RFX4: variants seen among roughly 807,000 people sequenced by gnomAD.
The protein encoded by RFX4 is transcription factor RFX4.
A neutral mutation model predicts 95.0 loss-of-function variants in RFX4; 10 were observed. That is an observed-to-expected ratio of 0.11 (90% CI 0.06 to 0.18). RFX4 has a LOEUF of 0.18. Ranked by LOEUF, RFX4 falls within the 10% of genes least tolerant of loss-of-function variation. RFX4 has a pLI of 1.00. For synonymous variants in RFX4, 321 were observed against 340.7 expected, an observed-to-expected ratio of 0.94 and a Z score of 0.64; for missense variants, 640 against 922.0, an observed-to-expected ratio of 0.69 and a Z score of 3.96.
chr12:106,628,379 AG>A (rs1230769342), intron 2 of RFX4, among the ~76,000 whole-genome samples: 1 of 152,206 alleles, frequency 6.6e-6, no homozygotes, highest in Non-Finnish European at 1.5e-5. Flanking sequence ...GGTACATAGT[AG>A]GTGCTCAGTA....
intron 1 of RFX4, among the ~76,000 whole-genome samples, chr12:106,589,527 CAT>C (rs1474890594): frequency 6.6e-6 from 1 of 152,180 alleles, no homozygotes; most frequent in Non-Finnish European, 1.5e-5. Context: ...CACAACTCTG[CAT>C]AGTCTCTTTT....
chr12:106,677,837 G>C (rs943745716), intron 4 of RFX4, among the ~76,000 whole-genome samples: 2 of 152,148 alleles, frequency 1.3e-5, no homozygotes. Flanking sequence ...GGGGGTAAGG[G>C]CAGAAAGAGA....
intron 2 of RFX4, among the ~76,000 whole-genome samples, chr12:106,617,641 C>A (rs1437651970): frequency 1.3e-5 from 2 of 152,186 alleles, no homozygotes; most frequent in African/African-American, 4.8e-5. Context: ...GACTTAGTGT[C>A]TGTCCCAACA....
chr12:106,678,499 TAAC>T (rs2041441827), intron 4 of RFX4, among the ~76,000 whole-genome samples: 1 of 152,132 alleles, frequency 6.6e-6, no homozygotes, highest in Non-Finnish European at 1.5e-5. Flanking sequence ...AAGAAAAAAA[TAAC>T]AACACTATAA....
rs1008394711 is a variant in RFX4 at position 106,599,164 on chromosome 12, T to TA, written c.44-9633_44-9632insA. ...TGCATCGTTGGGAGTTTCCTCGTTCTTTTTTTTTTCCTCCTCGTTGTTTTT... is the reference window on the plus strand; with the variant it reads ...TGCATCGTTGGGAGTTTCCTCGTTCTATTTTTTTTTCCTCCTCGTTGTTTTT... On this transcript the variant is annotated intron_variant, in intron 1 of 17. Transcript: ENST00000392842. 2.1e-5 allele frequency among the ~76,000 whole-genome samples: 3 copies of TA among 145,412 alleles called. No homozygotes were observed. The East Asian group carries it at 5.9e-4, about 29-fold the overall frequency.
intron 13 of RFX4, among the ~76,000 whole-genome samples, chr12:106,730,911 A>G (rs2137558050): frequency 6.6e-6 from 1 of 152,302 alleles, no homozygotes; most frequent in Non-Finnish European, 1.5e-5. Context: ...GAGGCAGGAA[A>G]ATTGCTTGAA....
At chr12:106,760,289 C>G (rs918931842) in intron 17 of RFX4, among the ~76,000 whole-genome samples, 4 of 152,200 alleles carry the variant, frequency 2.6e-5, no homozygotes, top group Admixed American at 2.6e-4. Flanking sequence ...AAAGGAAGCC[C>G]ATAGCTCCTC....
chr12:106,583,289 TG>T lies in RFX4; in HGVS notation c.-26del, dbSNP rs751490680. On this transcript the variant is annotated 5_prime_UTR_variant, in exon 1 of 18. Coordinates refer to ENST00000392842, the MANE Select transcript of RFX4 (RefSeq NM_213594.3). Reference sequence around the variant, plus strand: ...GGGGATCCCCAAACATCAGGACTTTTGGGGGGCGCCTGTGCTGTCCATGGGA... The same window carrying T: ...GGGGATCCCCAAACATCAGGACTTTTGGGGGCGCCTGTGCTGTCCATGGGA... The T allele has an allele frequency of 4.3e-5, 67 of 1,562,516 alleles. No individual in the cohort carries two copies. In the South Asian group the frequency reaches 7.9e-4, roughly 18 times the overall value.
chr12:106,693,274 A>G (rs879128270), intron 7 of RFX4: 4 of 215,396 alleles, frequency 1.9e-5, no homozygotes, highest in Non-Finnish European at 2.9e-5. Flanking sequence ...TGGAGAATAC[A>G]TCTTCTACAA....
At chr12:106,688,880 G>C (rs968176646) in intron 6 of RFX4, among the ~76,000 whole-genome samples, 3 of 152,062 alleles carry the variant, frequency 2.0e-5, no homozygotes, top group African/African-American at 7.2e-5. Context: ...TAACTTTCTA[G>C]TGGTCTCAGC....
At chr12:106,758,552 T>C (rs1473997174) in intron 17 of RFX4, among the ~76,000 whole-genome samples, 1 of 152,158 alleles carries the variant, frequency 6.6e-6, no homozygotes, top group East Asian at 1.9e-4. Context: ...CCCAAGTCCA[T>C]TCTGTGACAT....
intron 4 of RFX4, among the ~76,000 whole-genome samples, chr12:106,658,266 G>A (rs2041001053): frequency 6.6e-6 from 1 of 152,094 alleles, no homozygotes; most frequent in African/African-American, 2.4e-5. Flanking sequence ...CCCATTTACT[G>A]AGTAGAAATG....
At chr12:106,735,216 G>A (rs974493740) in intron 15 of RFX4, among the ~76,000 whole-genome samples, 5 of 151,994 alleles carry the variant, frequency 3.3e-5, no homozygotes, top group Non-Finnish European at 5.9e-5. Context: ...TCAGTAAACC[G>A]AAAGACTGAG....
intron 11 of RFX4, among the ~76,000 whole-genome samples, chr12:106,719,607 G>C (rs532710195): frequency 6.6e-6 from 1 of 152,228 alleles, no homozygotes; most frequent in East Asian, 1.9e-4. Flanking sequence ...AAGGGGCATG[G>C]AAGGTTAAAG....
chr12:106,601,170 C>T lies in RFX4; in HGVS notation c.44-7627C>T, dbSNP rs529904016. On this transcript the variant is annotated intron_variant, in intron 1 of 17. Coordinates refer to ENST00000392842, the MANE Select transcript of RFX4 (RefSeq NM_213594.3). ...GGCAACCCACTGACCTGAGCCACCC[C>T]CTGGAGAGGCCACAGCTGCTGGCTT... The T allele has an allele frequency of 4.6e-6, 7 of 1,506,506 alleles. No homozygotes were observed. The Admixed American group carries it at 1.3e-4, about 27-fold the overall frequency. 93.3% of individuals were successfully genotyped at this position (1,506,506 alleles called of 1,614,324 possible). A position where few individuals can be genotyped will look rare whatever the true frequency, so the allele number is the denominator to read the frequency against.
chr12:106,603,480 A>G (rs2039755838), intron 1 of RFX4, among the ~76,000 whole-genome samples: 1 of 152,254 alleles, frequency 6.6e-6, no homozygotes. Context: ...GTGAAAATCC[A>G]TAGGCATTAT....
At chr12:106,645,777 C>A in intron 3 of RFX4, 1 of 582,802 alleles carries the variant, frequency 1.7e-6, no homozygotes, top group Non-Finnish European at 2.8e-6. Context: ...GATTCTTACT[C>A]AACAGTGACA....
rs770442465 is a variant in RFX4, at chr12:106,720,864, G to A, written c.1339G>A (p.Ala447Thr). Residue 447 changes from alanine (A) to threonine (T), a missense_variant, in exon 13 of 18, where the codon GCC becomes ACC. Around this residue, in one of 7 missense-constraint regions of RFX4, gnomAD observed 20 missense variants for 52.3 expected, o/e 0.38. Coordinates refer to ENST00000392842, the MANE Select transcript of RFX4 (RefSeq NM_213594.3). This position sits in a 1 kb window ranked among gnomAD's most constrained non-coding sequence, Gnocchi z 4.2. ...RVIRDMTLHS[A>T]PSFGSFHLIH... is the part of the protein sequence containing the mutation. ...GATCCGGGACATGACCTTGCACAGC[G>A]CCCCCAGCTTCGGTAAGGCCACCCC... 6.2e-7 allele frequency: 1 copy of A among 1,612,530 alleles called. No individual in the cohort carries two copies. Among genetic ancestry groups the A allele is most frequent in the Non-Finnish European group, 8.5e-7 (1 of 1,179,956 alleles).
intron 3 of RFX4, among the ~76,000 whole-genome samples, chr12:106,646,938 A>T (rs2040759651): frequency 6.6e-6 from 1 of 152,228 alleles, no homozygotes; most frequent in African/African-American, 2.4e-5. Flanking sequence ...ACTTGGCAGC[A>T]AAGCATGGCT....
Sources: allele counts gnomAD v4.1 joint callset (sites outside exome capture counted in the v4.1 genomes callset), GRCh38; gene constraint gnomAD v4.1.1; regional missense constraint gnomAD v4.1.1; non-coding constraint Gnocchi (gnomAD v3.1); transcripts MANE v1.5; gene names NCBI Gene and HGNC (gene_info 2026-07-23, HGNC 2026-07-21).